Variants in RASGRF2 observed in about 807,000 individuals in gnomAD.
RASGRF2 encodes ras-specific guanine nucleotide-releasing factor 2.
RASGRF2 carries 76 observed loss-of-function variants against 151.0 expected under a neutral mutation model. The observed-to-expected ratio is 0.50, with a 90% CI of 0.42 to 0.61. RASGRF2 has a LOEUF of 0.61. Among genes scored for constraint, RASGRF2 ranks in the 20% least tolerant of loss-of-function variants. The pLI is 0.00. For missense variants in RASGRF2, 1,148 were observed against 1,564.6 expected (o/e 0.73, Z 4.49); for synonymous variants, 504 against 566.5 (o/e 0.89, Z 1.57).
chr5:81,040,499 A>G (rs948278821), intron 1 of RASGRF2, among the ~76,000 whole-genome samples: 2 of 152,244 alleles, frequency 1.3e-5, no homozygotes, highest in Non-Finnish European at 2.9e-5. Flanking sequence ...TTTGGAAATT[A>G]TCCTGGTGTA....
At chr5:81,200,714 T>C (rs13179530) in intron 18 of RASGRF2, among the ~76,000 whole-genome samples, 36,820 of 151,744 alleles carry the variant, frequency 0.24, 4,622 homozygotes, top group Middle Eastern at 0.37. Flanking sequence ...ATACAGGGAG[T>C]TGACAGCCGT....
chr5:80,966,318 TACTC>T (rs1206241122), intron 1 of RASGRF2, among the ~76,000 whole-genome samples: 2 of 152,136 alleles, frequency 1.3e-5, no homozygotes, highest in Admixed American at 6.5e-5. Context: ...TCTGTTAAAT[TACTC>T]ACAATATAAA....
chr5:81,098,574 G>A (rs1265744489), intron 12 of RASGRF2, among the ~76,000 whole-genome samples: 1 of 152,208 alleles, frequency 6.6e-6, no homozygotes, highest in Non-Finnish European at 1.5e-5. Context: ...TGTCTTAGCA[G>A]CTGAGTGAAG....
Position 81,225,682 on chromosome 5 carries a change from C to G in RASGRF2, c.3626C>G (p.Ala1209Gly), listed in dbSNP as rs1755965180. Residue 1209 changes from alanine to glycine, a missense_variant, in exon 27 of 27, where the codon GCA (alanine) becomes GGA (glycine). Around this residue, in one of 5 missense-constraint regions of RASGRF2, gnomAD observed 100 missense variants for 148.2 expected, o/e 0.67. Coordinates refer to ENST00000265080, the MANE Select transcript of RASGRF2 (RefSeq NM_006909.3). ...SYRIDHQPKV[A>G]QYLLDKDLII... Reference sequence around the variant, plus strand: ...GGACTTCCCCTTTTTTTTCAGGTCGCACAGTACTTGCTTGACAAAGACCTT... The same window carrying G: ...GGACTTCCCCTTTTTTTTCAGGTCGGACAGTACTTGCTTGACAAAGACCTT... 2 of 1,609,710 alleles carry G rather than the reference C, an allele frequency of 1.2e-6. No homozygotes were observed. The highest frequency in any genetic ancestry group is 2.7e-5 in the African/African-American group (2 of 74,498).
chr5:81,153,965 A>G (rs542063268), intron 17 of RASGRF2, among the ~76,000 whole-genome samples: 167 of 151,946 alleles, frequency 1.1e-3, no homozygotes, highest in African/African-American at 3.8e-3. Flanking sequence ...ATTAACAGCA[A>G]AGAGCGGTGT....
At chr5:81,000,396 C>T (rs1341933394) in intron 1 of RASGRF2, among the ~76,000 whole-genome samples, 1 of 152,168 alleles carries the variant, frequency 6.6e-6, no homozygotes, top group Non-Finnish European at 1.5e-5. Context: ...TGCCTACCAC[C>T]ATGCCTGGCT....
At position 81,194,741 on chromosome 5, in the gene RASGRF2, A is replaced by AG. The variant is rs1314881895; in HGVS notation, c.2794-6583dup. ...CCTAAGGGTCAGTAGGGCGTCCCCAAGGGGGGCCCCTTGCAGATGGACGCC... is the reference window on the plus strand; with the variant it reads ...CCTAAGGGTCAGTAGGGCGTCCCCAAGGGGGGGCCCCTTGCAGATGGACGCC... On this transcript the variant is annotated intron_variant, in intron 18 of 26. Transcript: ENST00000265080. Among the ~76,000 whole-genome samples the AG allele has an allele frequency of 3.3e-5, 5 of 152,144 alleles. No individual in the cohort carries two copies. The East Asian group carries it at 9.7e-4, about 30-fold the overall frequency.
chr5:81,030,197 G>A (rs1001553287), intron 1 of RASGRF2, among the ~76,000 whole-genome samples: 10 of 152,200 alleles, frequency 6.6e-5, no homozygotes, highest in African/African-American at 1.4e-4. Flanking sequence ...AAGTGATGGG[G>A]AGAATGGAAC....
intron 1 of RASGRF2, among the ~76,000 whole-genome samples, chr5:81,000,047 G>A (rs905523875): frequency 2.0e-5 from 3 of 152,098 alleles, no homozygotes; most frequent in East Asian, 1.9e-4. Flanking sequence ...GGAGTAGCTC[G>A]ACTGGGAATG....
chr5:80,994,409 G>A (rs1342478425), intron 1 of RASGRF2, among the ~76,000 whole-genome samples: 11 of 149,240 alleles, frequency 7.4e-5, no homozygotes, highest in African/African-American at 1.2e-4. Flanking sequence ...AGCAACGATC[G>A]AACTCTACAA....
intron 12 of RASGRF2, among the ~76,000 whole-genome samples, chr5:81,099,900 CTTTTTTCT>C (rs1260840222): frequency 2.4e-5 from 3 of 127,644 alleles, no homozygotes; most frequent in East Asian, 4.1e-4. Flanking sequence ...CACTATTTTT[CTTTTTTCT>C]TTTTTTTTTT....
chr5:81,070,949 A>AT (rs200903281), intron 4 of RASGRF2, among the ~76,000 whole-genome samples: 1 of 152,134 alleles, frequency 6.6e-6, no homozygotes, highest in Admixed American at 6.5e-5. Context: ...TTTAAGAAAG[A>AT]TTTTTTGGGG....
In RASGRF2 at chr5:81,080,117, A is replaced by T. The variant is rs142461763; in HGVS notation, c.888-4A>T. 2 of 1,591,946 alleles carry T rather than the reference A, an allele frequency of 1.3e-6. No homozygotes were observed. The highest frequency in any genetic ancestry group is 2.7e-5 in the African/African-American group (2 of 73,142). Reference sequence around the variant, plus strand: ...AAATTATATTATTTTTCCTTTTTTTATAGTGAAACAATCATGTTTCTTCAT... The same window carrying T: ...AAATTATATTATTTTTCCTTTTTTTTTAGTGAAACAATCATGTTTCTTCAT... On this transcript the variant is annotated splice_polypyrimidine_tract_variant and splice_region_variant and intron_variant, in intron 5 of 26. Coordinates refer to ENST00000265080, the MANE Select transcript of RASGRF2 (RefSeq NM_006909.3).
At chr5:80,987,678 A>G (rs536922795) in intron 1 of RASGRF2, among the ~76,000 whole-genome samples, 1 of 152,318 alleles carries the variant, frequency 6.6e-6, no homozygotes, top group African/African-American at 2.4e-5. Context: ...GGATAAAGTC[A>G]GAATAGTGAT....
At chr5:81,172,794 C>T (rs957199132) in intron 17 of RASGRF2, among the ~76,000 whole-genome samples, 4 of 152,034 alleles carry the variant, frequency 2.6e-5, no homozygotes, top group South Asian at 2.1e-4. Flanking sequence ...TGGGGGCCCT[C>T]GGATAGAAAC....
chr5:80,987,697 A>C (rs951113120), intron 1 of RASGRF2, among the ~76,000 whole-genome samples: 2 of 152,134 alleles, frequency 1.3e-5, no homozygotes, highest in Non-Finnish European at 2.9e-5. Flanking sequence ...ATGAGCATAC[A>C]ATGTAGATTC....
chr5:81,222,300 C>G (rs775286645), intron 26 of RASGRF2, among the ~76,000 whole-genome samples: 1 of 152,212 alleles, frequency 6.6e-6, no homozygotes, highest in Non-Finnish European at 1.5e-5. Flanking sequence ...CCAGCCCTCT[C>G]CCCACATTTG....
intron 1 of RASGRF2, among the ~76,000 whole-genome samples, chr5:81,019,841 A>G (rs558297790): frequency 1.4e-4 from 22 of 152,342 alleles, no homozygotes; most frequent in African/African-American, 5.3e-4. Context: ...TTATAAAGTG[A>G]TACACGTTTG....
intron 9 of RASGRF2, among the ~76,000 whole-genome samples, chr5:81,090,835 AAAT>A (rs1752369310): frequency 2.0e-5 from 3 of 152,228 alleles, no homozygotes; most frequent in Non-Finnish European, 4.4e-5. Flanking sequence ...GAAAATCACT[AAAT>A]TGCTAGAAGC....
Sources: allele counts gnomAD v4.1 joint callset (sites outside exome capture counted in the v4.1 genomes callset), GRCh38; gene constraint gnomAD v4.1.1; regional missense constraint gnomAD v4.1.1; transcripts MANE v1.5; gene names NCBI Gene and HGNC (gene_info 2026-07-23, HGNC 2026-07-21).